Variants in LRRC28 observed in about 807,000 individuals in gnomAD.
The protein encoded by LRRC28 is leucine rich repeat containing 28.
In LRRC28, 39 loss-of-function variants were observed where a neutral mutation model predicts 45.7. That is an observed-to-expected ratio of 0.85 (90% confidence interval 0.66 to 1.12). The LOEUF is 1.12. Ranked by LOEUF, LRRC28 falls within the 50% of genes most tolerant of loss-of-function variation. The pLI, the probability that LRRC28 is intolerant of heterozygous loss-of-function variation, is 0.00. For synonymous variants in LRRC28, 206 were observed against 178.8 expected (o/e 1.15, Z -1.22); for missense variants, 435 against 438.5 (o/e 0.99, Z 0.07).
intron 6 of LRRC28, among the ~76,000 whole-genome samples, chr15:99,340,351 C>G (rs1956466864): frequency 6.6e-6 from 1 of 152,232 alleles, no homozygotes; most frequent in Non-Finnish European, 1.5e-5. Context: ...AGGCACAAAT[C>G]TGTTAACTGT....
At chr15:99,291,171 T>C (rs1354800778) in intron 5 of LRRC28, among the ~76,000 whole-genome samples, 1 of 152,240 alleles carries the variant, frequency 6.6e-6, no homozygotes, top group Non-Finnish European at 1.5e-5. Context: ...GTGACTACTT[T>C]CACATAATTT....
Position 99,253,384 on chromosome 15 carries a change from G to C in LRRC28, c.-61+1843G>C, listed in dbSNP as rs551710711. On this transcript the variant is annotated intron_variant, in intron 1 of 9. Transcript: ENST00000301981. Reference sequence around the variant, plus strand: ...GATCCACCCTCCTCGGCCTCCCAAAGTGCTAGGATTACAGGCGTGAGCCAC... The same window carrying C: ...GATCCACCCTCCTCGGCCTCCCAAACTGCTAGGATTACAGGCGTGAGCCAC... 2.5e-3 allele frequency among the ~76,000 whole-genome samples: 380 copies of C among 152,326 alleles called. 2 individuals are homozygous for C. The highest frequency in any genetic ancestry group is 8.6e-3 in the African/African-American group (359 of 41,564).
chr15:99,365,077 T>C (rs1362176201), intron 9 of LRRC28, among the ~76,000 whole-genome samples: 1 of 152,224 alleles, frequency 6.6e-6, no homozygotes, highest in East Asian at 1.9e-4. Flanking sequence ...TCTGAATACC[T>C]GTTTTTAAAA....
intron 2 of LRRC28, among the ~76,000 whole-genome samples, chr15:99,275,390 T>G (rs571289740): frequency 1.6e-4 from 25 of 152,234 alleles, no homozygotes; most frequent in Admixed American, 9.8e-4. Flanking sequence ...TGTCTGGACC[T>G]GTGGCCAGGT....
chr15:99,359,660 A>G (rs1008153607), intron 7 of LRRC28, among the ~76,000 whole-genome samples: 1 of 152,164 alleles, frequency 6.6e-6, no homozygotes, highest in Non-Finnish European at 1.5e-5. Context: ...TGTGCATTGG[A>G]ATGTATGTAA....
intron 9 of LRRC28, among the ~76,000 whole-genome samples, chr15:99,382,762 A>G (rs528949263): frequency 2.6e-5 from 3 of 117,608 alleles, no homozygotes; most frequent in Admixed American, 9.9e-5. Flanking sequence ...CATTTGAAAA[A>G]AACAACGTAG....
In LRRC28 at chr15:99,252,170, A is replaced by G. The variant is rs114400841; in HGVS notation, c.-61+629A>G. Among the ~76,000 whole-genome samples, 1,091 of 152,356 alleles carry G rather than the reference A, an allele frequency of 7.2e-3. 18 individuals are homozygous for G. The highest frequency in any genetic ancestry group is 0.025 in the African/African-American group (1,025 of 41,574). ...AAGTAATACTATTTGCCTTAACTACATAAGAGGTAGTATAACTATACAAGA... is the reference window on the plus strand; with the variant it reads ...AAGTAATACTATTTGCCTTAACTACGTAAGAGGTAGTATAACTATACAAGA... On this transcript the variant is annotated intron_variant, in intron 1 of 9. Coordinates refer to ENST00000301981, the MANE Select transcript of LRRC28 (RefSeq NM_144598.5).
intron 6 of LRRC28, among the ~76,000 whole-genome samples, chr15:99,344,070 A>T (rs1356492707): frequency 6.6e-6 from 1 of 152,094 alleles, no homozygotes; most frequent in Non-Finnish European, 1.5e-5. Flanking sequence ...GGTTCTCTTC[A>T]TCATCCTGCT....
At chr15:99,356,493 T>C (rs1957050883) in intron 7 of LRRC28, among the ~76,000 whole-genome samples, 1 of 152,164 alleles carries the variant, frequency 6.6e-6, no homozygotes, top group Non-Finnish European at 1.5e-5. Flanking sequence ...TGATCCAATC[T>C]GAAGGACACA....
At chr15:99,372,253 G>T (rs1036574513) in intron 9 of LRRC28, among the ~76,000 whole-genome samples, 1 of 152,164 alleles carries the variant, frequency 6.6e-6, no homozygotes, top group Non-Finnish European at 1.5e-5. Context: ...TTCTTTTAAG[G>T]AATAGTGGTA....
chr15:99,265,448 A>G (rs928534343), intron 2 of LRRC28, among the ~76,000 whole-genome samples: 3 of 152,170 alleles, frequency 2.0e-5, no homozygotes, highest in Admixed American at 6.5e-5. Context: ...CATCTGGGGT[A>G]TGGGACATTT....
intron 3 of LRRC28, chr15:99,285,706 A>G: frequency 1.8e-6 from 1 of 569,154 alleles, no homozygotes; most frequent in Non-Finnish European, 3.2e-6. Context: ...AAAAATTCTA[A>G]TCATAATAGT....
chr15:99,321,978 C>T (rs2152278573), intron 5 of LRRC28, among the ~76,000 whole-genome samples: 1 of 152,196 alleles, frequency 6.6e-6, no homozygotes, highest in East Asian at 1.9e-4. Flanking sequence ...TCAGGGAAGG[C>T]CTTTGTGAAA....
intron 2 of LRRC28, among the ~76,000 whole-genome samples, chr15:99,273,206 T>A (rs181234234): frequency 1.3e-4 from 20 of 152,244 alleles, no homozygotes; most frequent in Non-Finnish European, 2.5e-4. Flanking sequence ...GTTTTGGGCA[T>A]CTATTCCTAA....
At chr15:99,276,739 CT>C in intron 3 of LRRC28, 123 bp downstream of exon 3, 1 of 668,784 alleles carries the variant, frequency 1.5e-6, no homozygotes, top group Non-Finnish European at 2.3e-6. Flanking sequence ...GATCATGGTA[CT>C]CATGTAGGTA....
intron 3 of LRRC28, among the ~76,000 whole-genome samples, chr15:99,283,651 A>G (rs2081876571): frequency 6.7e-6 from 1 of 150,186 alleles, no homozygotes; most frequent in African/African-American, 2.4e-5. Flanking sequence ...TCCATGGTAC[A>G]TTTGTCAAAA....
chr15:99,352,281 TATTTCTAA>T (rs1956905825), intron 6 of LRRC28, 80 bp from the exon 7 acceptor site: 4 of 869,494 alleles, frequency 4.6e-6, no homozygotes, highest in Non-Finnish European at 7.1e-6. Flanking sequence ...AATCTTCGAA[TATTTCTAA>T]TACTATGTAT....
At chr15:99,341,599 A>G (rs2152304298) in intron 6 of LRRC28, among the ~76,000 whole-genome samples, 1 of 152,258 alleles carries the variant, frequency 6.6e-6, no homozygotes, top group African/African-American at 2.4e-5. Context: ...ATTTTTCTCT[A>G]AGTTTTGGAG....
rs923067801 is a variant in LRRC28 at position 99,377,383 on chromosome 15, T to C, written c.1032-8647T>C. Among the ~76,000 whole-genome samples, 33 of 152,180 alleles carry C rather than the reference T, an allele frequency of 2.2e-4. 1 individual carries two copies. Among genetic ancestry groups the C allele is most frequent in the Admixed American group, 5.9e-4 (9 of 15,284 alleles). ...CTGTTCATATCCTTTGCCCACTTTTTGATGGGTCTGTTTTTTCCTTGTAAA... is the reference window on the plus strand; with the variant it reads ...CTGTTCATATCCTTTGCCCACTTTTCGATGGGTCTGTTTTTTCCTTGTAAA... On this transcript the variant is annotated intron_variant, in intron 9 of 9. Coordinates refer to ENST00000301981, the MANE Select transcript of LRRC28 (RefSeq NM_144598.5).
Sources: gnomAD v4.1 joint callset for allele counts (sites outside exome capture counted in the v4.1 genomes callset) on GRCh38, gnomAD v4.1.1 for gene constraint, MANE v1.5 for transcripts, NCBI Gene and HGNC (gene_info 2026-07-23, HGNC 2026-07-21) for gene names.